UXS1: variants seen among roughly 807,000 people sequenced by gnomAD.
UXS1 encodes the protein UDP-glucuronate decarboxylase 1.
Under a neutral mutation model 62.6 loss-of-function variants are expected in UXS1, and 33 were observed. The observed-to-expected ratio is 0.53, with a 90% CI of 0.40 to 0.70. The LOEUF is 0.70. Ranked by LOEUF, UXS1 falls within the 30% of genes least tolerant of loss-of-function variation. UXS1 has a pLI of 0.00. For missense variants in UXS1, 434 were observed against 556.3 expected (o/e 0.78, Z 2.21); for synonymous variants, 213 against 206.8 (o/e 1.03, Z -0.26).
At chr2:106,144,476 A>G (rs560233393) in intron 6 of UXS1, among the ~76,000 whole-genome samples, 1 of 152,344 alleles carries the variant, frequency 6.6e-6, no homozygotes, top group South Asian at 2.1e-4. Context: ...TGTGGGAAAA[A>G]TGCTAAATAC....
At chr2:106,176,471 A>G (rs1214269814) in intron 1 of UXS1, among the ~76,000 whole-genome samples, 2 of 152,184 alleles carry the variant, frequency 1.3e-5, no homozygotes, top group Non-Finnish European at 1.5e-5. Context: ...AGAAAGGGGG[A>G]TGTGTCCCTG....
chr2:106,173,079 C>T (rs960457576), intron 1 of UXS1, among the ~76,000 whole-genome samples: 6 of 152,230 alleles, frequency 3.9e-5, no homozygotes, highest in African/African-American at 1.4e-4. Flanking sequence ...CTATTTATAT[C>T]TGTTTATTGC....
chr2:106,112,168 T>C (rs915930949), intron 10 of UXS1, among the ~76,000 whole-genome samples: 6 of 152,212 alleles, frequency 3.9e-5, no homozygotes, highest in African/African-American at 1.4e-4. Flanking sequence ...GGACCTCTGC[T>C]GGCTCCAGAA....
chr2:106,101,372 A>G, intron 11 of UXS1: 1 of 437,072 alleles, frequency 2.3e-6, no homozygotes, highest in South Asian at 3.9e-5. Flanking sequence ...GTTAAATAGG[A>G]TGGAAGCTGA....
intron 13 of UXS1, 34 bp downstream of exon 13, chr2:106,098,682 C>T: frequency 1.9e-6 from 3 of 1,572,610 alleles, no homozygotes; most frequent in Non-Finnish European, 2.6e-6. Flanking sequence ...CAGGCACAGT[C>T]GATTTTACTC....
chr2:106,130,541 C>T (rs1031560898), intron 6 of UXS1, among the ~76,000 whole-genome samples: 4 of 152,246 alleles, frequency 2.6e-5, no homozygotes, highest in Non-Finnish European at 5.9e-5. Context: ...AACACATCCA[C>T]CATCCACAGG....
intron 9 of UXS1, among the ~76,000 whole-genome samples, chr2:106,120,596 G>A (rs1679445938): frequency 6.6e-6 from 1 of 152,210 alleles, no homozygotes; most frequent in Admixed American, 6.5e-5. Context: ...TTACTGACCT[G>A]TTGGCCAAGA....
chr2:106,109,761 CGAGT>C (rs1176979326), intron 10 of UXS1, among the ~76,000 whole-genome samples: 7 of 152,198 alleles, frequency 4.6e-5, no homozygotes, highest in African/African-American at 1.7e-4. Flanking sequence ...GGTACAGCAA[CGAGT>C]GAGATGCTAA....
intron 5 of UXS1, among the ~76,000 whole-genome samples, chr2:106,154,787 G>C (rs1404809272): frequency 6.6e-6 from 1 of 152,152 alleles, no homozygotes; most frequent in Non-Finnish European, 1.5e-5. Flanking sequence ...TTAACTGCTG[G>C]CTCATTACAA....
Position 106,093,912 on chromosome 2 carries a change from A to G in UXS1, c.*114T>C. On this transcript the variant is annotated 3_prime_UTR_variant, in exon 15 of 15. Coordinates refer to ENST00000283148, the MANE Select transcript of UXS1 (RefSeq NM_001253875.2). ...AAAGCAAGCTTCAGAATGAAATTCC[A>G]GTTTGTTCTTCATGACACCTGTTAA... The G allele has an allele frequency of 1.5e-6, 2 of 1,348,002 alleles. No individual in the cohort carries two copies. Among genetic ancestry groups the G allele is most frequent in the Non-Finnish European group, 2.0e-6 (2 of 1,025,242 alleles). 83.5% of individuals were successfully genotyped at this position (1,348,002 alleles called of 1,614,324 possible). A position where few individuals can be genotyped will look rare whatever the true frequency, so the allele number is the denominator to read the frequency against.
chr2:106,194,117 G>A, intron 1 of UXS1, 31 bp downstream of exon 1: 2 of 1,448,820 alleles, frequency 1.4e-6, no homozygotes, highest in Admixed American at 2.4e-5. Flanking sequence ...AATGAATGGG[G>A]CTCCCCAGCT....
intron 8 of UXS1, among the ~76,000 whole-genome samples, chr2:106,123,997 C>T (rs573165018): frequency 2.0e-5 from 3 of 152,326 alleles, no homozygotes; most frequent in South Asian, 4.1e-4. Flanking sequence ...TCTGCTCAGC[C>T]GATCCCTCTG....
intron 1 of UXS1, among the ~76,000 whole-genome samples, chr2:106,177,920 G>C (rs1006864213): frequency 2.1e-4 from 32 of 152,196 alleles, no homozygotes; most frequent in African/African-American, 7.5e-4. Flanking sequence ...ACCCAAATCT[G>C]AGACCCTCTG....
intron 14 of UXS1, among the ~76,000 whole-genome samples, chr2:106,095,789 C>A (rs1024451146): frequency 2.0e-5 from 3 of 152,184 alleles, no homozygotes; most frequent in Non-Finnish European, 4.4e-5. Flanking sequence ...GCCAACCCAG[C>A]CAACCTCCCT....
intron 7 of UXS1, among the ~76,000 whole-genome samples, chr2:106,127,592 T>A (rs1440608292): frequency 6.6e-6 from 1 of 152,144 alleles, no homozygotes; most frequent in Non-Finnish European, 1.5e-5. Context: ...AAAACTTTCA[T>A]CAGAGAAAGA....
chr2:106,120,463 C>CT lies in UXS1; in HGVS notation c.759+2506dup, dbSNP rs1002711213. Among the ~76,000 whole-genome samples, 10 of 152,294 alleles carry CT rather than the reference C, an allele frequency of 6.6e-5. No individual in the cohort carries two copies. In the South Asian group the frequency reaches 8.3e-4, roughly 13 times the overall value. On this transcript the variant is annotated intron_variant, in intron 9 of 14. Coordinates refer to ENST00000283148, the MANE Select transcript of UXS1 (RefSeq NM_001253875.2). Reference sequence around the variant, plus strand: ...GGAAAGGGTGGCAATATCACACCTGCTTACATGCCTCCCTCAACGTGCCCC... The same window carrying CT: ...GGAAAGGGTGGCAATATCACACCTGCTTTACATGCCTCCCTCAACGTGCCCC...
chr2:106,177,259 G>A (rs908533448), intron 1 of UXS1, among the ~76,000 whole-genome samples: 8 of 134,368 alleles, frequency 6.0e-5, no homozygotes, highest in Non-Finnish European at 1.1e-4. Context: ...GAAGTGGCAT[G>A]ATCTTGGCTC....
At chr2:106,137,806 ATAAAATTTAAAAATTAAAAT>A (rs1680780432) in intron 6 of UXS1, among the ~76,000 whole-genome samples, 1 of 152,084 alleles carries the variant, frequency 6.6e-6, no homozygotes. Flanking sequence ...AAAAAAATAA[ATAAAATTTAAAAATTAAAAT>A]TAAAATTTTA....
chr2:106,164,210 G>C (rs1683072224), intron 3 of UXS1, among the ~76,000 whole-genome samples: 1 of 152,180 alleles, frequency 6.6e-6, no homozygotes, highest in Admixed American at 6.5e-5. Context: ...GACTCCCTAA[G>C]TTGGCTTCAA....
Sources: gnomAD v4.1 joint callset for allele counts (sites outside exome capture counted in the v4.1 genomes callset) on GRCh38, gnomAD v4.1.1 for gene constraint, MANE v1.5 for transcripts, NCBI Gene and HGNC (gene_info 2026-07-23, HGNC 2026-07-21) for gene names.